FNIP2: variants seen among roughly 807,000 people sequenced by gnomAD.
The protein encoded by FNIP2 is folliculin-interacting protein 2.
Under a neutral mutation model 108.7 loss-of-function variants are expected in FNIP2, and 32 were observed. The ratio of observed to expected loss-of-function variants is 0.29; its 90% confidence interval spans 0.22 to 0.40. The LOEUF is 0.40. FNIP2 is among the 10% of genes least tolerant of loss of function. The pLI is 1.00. For synonymous variants in FNIP2, 480 were observed against 496.7 expected (o/e 0.97, Z 0.45); for missense variants, 1,202 against 1,381.6 (o/e 0.87, Z 2.06).
intron 14 of FNIP2, among the ~76,000 whole-genome samples, chr4:158,874,289 A>G (rs181876353): frequency 5.9e-5 from 9 of 152,230 alleles, no homozygotes; most frequent in Admixed American, 3.9e-4. Context: ...TTTCTTATCT[A>G]TACTGTGAAC....
intron 1 of FNIP2, among the ~76,000 whole-genome samples, chr4:158,802,684 T>G (rs1445812557): frequency 6.6e-6 from 1 of 152,206 alleles, no homozygotes; most frequent in Non-Finnish European, 1.5e-5. Context: ...GGAATGGGCT[T>G]TTTCTCAGGT....
intron 7 of FNIP2, among the ~76,000 whole-genome samples, chr4:158,848,259 C>T (rs1390246447): frequency 2.0e-5 from 3 of 152,188 alleles, no homozygotes; most frequent in South Asian, 2.1e-4. Flanking sequence ...TTTGTTTCAC[C>T]CTTCCTCCAG....
At chr4:158,792,209 A>G (rs1227715931) in intron 1 of FNIP2, among the ~76,000 whole-genome samples, 1 of 152,122 alleles carries the variant, frequency 6.6e-6, no homozygotes, top group African/African-American at 2.4e-5. Flanking sequence ...CCCAAAATCA[A>G]TACTCTCGGC....
intron 7 of FNIP2, among the ~76,000 whole-genome samples, chr4:158,843,029 A>G (rs1779210918): frequency 6.6e-6 from 1 of 152,208 alleles, no homozygotes; most frequent in South Asian, 2.1e-4. Context: ...GAGAAATACA[A>G]TTGCTAAACT....
intron 14 of FNIP2, among the ~76,000 whole-genome samples, chr4:158,870,712 A>G (rs1780893879): frequency 6.6e-6 from 1 of 152,208 alleles, no homozygotes; most frequent in Non-Finnish European, 1.5e-5. Context: ...GCCCTGGAGA[A>G]CCTAAGCCAG....
chr4:158,872,000 AGTT>A (rs1490231231), intron 14 of FNIP2: 34 of 984,794 alleles, frequency 3.5e-5, no homozygotes, highest in Non-Finnish European at 4.1e-5. Context: ...CCAAACTGTG[AGTT>A]GTTTTTTTTT....
At position 158,849,335 on chromosome 4, in the gene FNIP2, G is replaced by C. The variant is rs573478753; in HGVS notation, c.728-1986G>C. Among the ~76,000 whole-genome samples, 16 of 152,298 alleles carry C rather than the reference G, an allele frequency of 1.1e-4. No individual in the cohort carries two copies. In the South Asian group the frequency reaches 3.3e-3, roughly 32 times the overall value. ...GAAGGTCAGGAGAAGATCTGAGACAGACTTGACTTCTGAGGCCTTCCAGTG... is the reference window on the plus strand; with the variant it reads ...GAAGGTCAGGAGAAGATCTGAGACACACTTGACTTCTGAGGCCTTCCAGTG... On this transcript the variant is annotated intron_variant, in intron 7 of 16. Transcript: ENST00000264433.
At chr4:158,778,887 G>A (rs915789939) in intron 1 of FNIP2, among the ~76,000 whole-genome samples, 6 of 152,326 alleles carry the variant, frequency 3.9e-5, no homozygotes, top group Non-Finnish European at 7.3e-5. Flanking sequence ...TATGCCATAA[G>A]CTCAAGTATA....
rs372426844 is a variant in FNIP2 at position 158,904,426 on chromosome 4, C to T, written c.3267-40C>T. On this transcript the variant is annotated intron_variant, in intron 16 of 16. Transcript: ENST00000264433. ...AATAATACTTTCTCATAAAACCATG[C>T]TCTTTTAAAGTAATATTCTTTTCTT... 25 of 1,482,138 alleles carry T rather than the reference C, an allele frequency of 1.7e-5. No individual in the cohort carries two copies. The African/African-American group carries it at 2.8e-4, about 16-fold the overall frequency. The allele number at this position is 1,482,138 out of a possible 1,614,324, so 91.8% of individuals were successfully genotyped here.
At chr4:158,874,509 C>CAAAAAAAAA (rs1781146452) in intron 14 of FNIP2, among the ~76,000 whole-genome samples, 1 of 11,756 alleles carries the variant, frequency 8.5e-5, no homozygotes, top group South Asian at 2.6e-3. Flanking sequence ...AAAAAAATAG[C>CAAAAAAAAA]TAGGCATGGT....
chr4:158,790,089 A>G (rs1776361070), intron 1 of FNIP2, among the ~76,000 whole-genome samples: 1 of 151,852 alleles, frequency 6.6e-6, no homozygotes. Context: ...ATATACAATT[A>G]CTTTCCGGCT....
chr4:158,792,046 G>A (rs1776435765), intron 1 of FNIP2, among the ~76,000 whole-genome samples: 1 of 152,136 alleles, frequency 6.6e-6, no homozygotes, highest in Non-Finnish European at 1.5e-5. Context: ...TGAAGCTACA[G>A]TGAGCCGTGA....
At chr4:158,772,173 A>G (rs1379314846) in intron 1 of FNIP2, among the ~76,000 whole-genome samples, 1 of 152,240 alleles carries the variant, frequency 6.6e-6, no homozygotes, top group African/African-American at 2.4e-5. Flanking sequence ...AGAAGTAGTC[A>G]GGAATGCTAT....
chr4:158,879,351 A>G (rs1170109971), intron 14 of FNIP2, among the ~76,000 whole-genome samples: 4 of 150,676 alleles, frequency 2.7e-5, no homozygotes, highest in South Asian at 2.1e-4. Flanking sequence ...AGTGTGTGGC[A>G]GCAGGAGGCC....
intron 1 of FNIP2, among the ~76,000 whole-genome samples, chr4:158,806,749 G>GA (rs1300013878): frequency 6.6e-6 from 1 of 152,096 alleles, no homozygotes; most frequent in Non-Finnish European, 1.5e-5. Flanking sequence ...TAATTATCAG[G>GA]AAAAAAAGGT....
intron 14 of FNIP2, among the ~76,000 whole-genome samples, chr4:158,885,777 G>T (rs1205777187): frequency 2.2e-4 from 33 of 152,206 alleles, no homozygotes; most frequent in Admixed American, 2.2e-3. Flanking sequence ...AGTTGCTGAG[G>T]TTCCACAGCT....
At chr4:158,848,277 C>T (rs1170599080) in intron 7 of FNIP2, among the ~76,000 whole-genome samples, 1 of 152,170 alleles carries the variant, frequency 6.6e-6, no homozygotes, top group Non-Finnish European at 1.5e-5. Flanking sequence ...CAGCTCTAGG[C>T]AGCTCAGCAG....
intron 7 of FNIP2, among the ~76,000 whole-genome samples, chr4:158,837,571 C>A (rs1251745150): frequency 6.6e-6 from 1 of 152,196 alleles, no homozygotes; most frequent in African/African-American, 2.4e-5. Context: ...TTCTAAATTG[C>A]TCCTGAAACT....
chr4:158,794,438 A>C (rs1232976161), intron 1 of FNIP2, among the ~76,000 whole-genome samples: 2 of 152,178 alleles, frequency 1.3e-5, no homozygotes, highest in Non-Finnish European at 1.5e-5. Flanking sequence ...CTGGGATCAC[A>C]GGTGTGAGCC....
Sources: allele counts gnomAD v4.1 joint callset (sites outside exome capture counted in the v4.1 genomes callset), GRCh38; gene constraint gnomAD v4.1.1; transcripts MANE v1.5; gene names NCBI Gene and HGNC (gene_info 2026-07-23, HGNC 2026-07-21).